Variants in SLC35E2B observed in about 807,000 individuals in gnomAD.
The protein encoded by SLC35E2B is solute carrier family 35, member E2B.
Under a neutral mutation model 32.4 loss-of-function variants are expected in SLC35E2B, and 18 were observed. That is an observed-to-expected ratio of 0.56 (90% confidence interval 0.38 to 0.82). SLC35E2B has a LOEUF of 0.82. Ranked by LOEUF, SLC35E2B falls within the 40% of genes least tolerant of loss-of-function variation. The probability of loss-of-function intolerance (pLI) is 0.00; values close to 1 mark genes in which losing one functional copy is unlikely to be tolerated. For missense variants in SLC35E2B, 263 were observed against 469.5 expected (o/e 0.56, Z 4.06); for synonymous variants, 132 against 209.1 (o/e 0.63, Z 3.18).
At chr1:1,668,045 G>A (rs1305263571) in intron 9 of SLC35E2B, among the ~76,000 whole-genome samples, 1 of 151,968 alleles carries the variant, frequency 6.6e-6, no homozygotes, top group African/African-American at 2.4e-5. Flanking sequence ...TAGAGATGGG[G>A]TTTCACCATG....
chr1:1,675,135 C>T (rs1305773752), intron 5 of SLC35E2B, among the ~76,000 whole-genome samples: 2 of 149,534 alleles, frequency 1.3e-5, no homozygotes, highest in Non-Finnish European at 3.0e-5. Context: ...GGCCCCCACC[C>T]GTCCTCTTCG....
intron 2 of SLC35E2B, among the ~76,000 whole-genome samples, chr1:1,689,276 T>C (rs1643992084): frequency 6.6e-6 from 1 of 152,136 alleles, no homozygotes; most frequent in Admixed American, 6.6e-5. Flanking sequence ...TTGTCCATGC[T>C]GCCAGGCAAA....
intron 2 of SLC35E2B, among the ~76,000 whole-genome samples, chr1:1,679,024 C>A (rs1570335773): frequency 6.6e-6 from 1 of 152,188 alleles, no homozygotes; most frequent in Non-Finnish European, 1.5e-5. Flanking sequence ...TCTCACTCCC[C>A]ACCTCACTAG....
Position 1,692,538 on chromosome 1 carries a change from G to T in SLC35E2B, c.-655C>A. 1 of 986,192 alleles carries T rather than the reference G, an allele frequency of 1.0e-6. No homozygotes were observed. The highest frequency in any genetic ancestry group is 1.2e-6 in the Non-Finnish European group (1 of 830,808). 61.1% of individuals were successfully genotyped at this position (986,192 alleles called of 1,614,324 possible). On this transcript the variant is annotated 5_prime_UTR_variant, in exon 1 of 10. Transcript: ENST00000617444. ...GACGCTGGCGGGCGGGGCCTGAGAGGCGCGCGGTGGAGGGGCCGGGCGCGA... is the reference window on the plus strand; with the variant it reads ...GACGCTGGCGGGCGGGGCCTGAGAGTCGCGCGGTGGAGGGGCCGGGCGCGA...
At chr1:1,686,523 C>T (rs546928085) in intron 2 of SLC35E2B, among the ~76,000 whole-genome samples, 25 of 152,126 alleles carry the variant, frequency 1.6e-4, no homozygotes, top group African/African-American at 5.8e-4. Context: ...GTGACTCACG[C>T]CTGTGATCCC....
rs1056109475 is a variant in SLC35E2B, at chr1:1,665,639, C to T, written c.*143G>A. The T allele has an allele frequency of 2.4e-5, 32 of 1,333,986 alleles. No homozygotes were observed. The highest frequency in any genetic ancestry group is 1.0e-4 in the East Asian group (4 of 39,466). 82.6% of individuals were successfully genotyped at this position (1,333,986 alleles called of 1,614,324 possible). The stretch of plus-strand genomic sequence containing the variant: ...AGTTTGAGTTTCTGCTGGTCTTCAC[C>T]GACAAACCGAGAAAGCCGCAGGCAA... On this transcript the variant is annotated 3_prime_UTR_variant, in exon 10 of 10. Transcript: ENST00000617444.
At position 1,665,142 on chromosome 1, in the gene SLC35E2B, G is replaced by A. The variant is rs189120070; in HGVS notation, c.*640C>T. On this transcript the variant is annotated 3_prime_UTR_variant, in exon 10 of 10. Transcript: ENST00000617444. ...TTCCTCTAAACAGAAGCGACTGAAC[G>A]GCCTCCGTGGTCATAGCCCTTGAGT... The A allele has an allele frequency of 1.6e-4, 27 of 170,174 alleles. 1 individual carries two copies. The East Asian group carries it at 3.5e-3, about 22-fold the overall frequency. 10.5% of individuals were successfully genotyped at this position (170,174 alleles called of 1,614,324 possible). A position where few individuals can be genotyped will look rare whatever the true frequency, so the allele number is the denominator to read the frequency against.
intron 2 of SLC35E2B, among the ~76,000 whole-genome samples, chr1:1,688,367 G>T (rs1429545599): frequency 1.3e-5 from 2 of 152,108 alleles, no homozygotes; most frequent in African/African-American, 2.4e-5. Context: ...AGCACTTTGG[G>T]AGGCTGAGGT....
intron 2 of SLC35E2B, among the ~76,000 whole-genome samples, chr1:1,687,236 T>A (rs28541555): frequency 2.0e-5 from 3 of 152,090 alleles, no homozygotes; most frequent in African/African-American, 2.4e-5. Flanking sequence ...CAGTCACACC[T>A]GCACAGCGCG....
chr1:1,668,603 T>G, intron 8 of SLC35E2B, 131 bp from the exon 9 acceptor site: 1 of 1,548,108 alleles, frequency 6.5e-7, no homozygotes, highest in South Asian at 1.2e-5. Flanking sequence ...GCCCTGAAAA[T>G]GCCTCGAGCG....
At chr1:1,673,147 A>T (rs959411854) in intron 5 of SLC35E2B, 11 of 195,720 alleles carry the variant, frequency 5.6e-5, no homozygotes, top group Non-Finnish European at 1.1e-4. Flanking sequence ...AGGCAGGAGG[A>T]TCACTTGAGA....
intron 2 of SLC35E2B, among the ~76,000 whole-genome samples, chr1:1,686,393 A>C (rs937336819): frequency 1.3e-5 from 2 of 149,214 alleles, no homozygotes; most frequent in Non-Finnish European, 3.0e-5. Flanking sequence ...TATTTTGTAC[A>C]TGACGGGAGG....
chr1:1,668,546 C>G, intron 8 of SLC35E2B, 74 bp from the exon 9 acceptor site: 1 of 1,612,610 alleles, frequency 6.2e-7, no homozygotes, highest in Admixed American at 1.7e-5. Flanking sequence ...AAACGCCCAG[C>G]GCCACTCCTG....
intron 8 of SLC35E2B, 51 bp from the exon 9 acceptor site, chr1:1,668,523 A>G: frequency 6.2e-7 from 1 of 1,614,060 alleles, no homozygotes; most frequent in Non-Finnish European, 8.5e-7. Context: ...TCCATTTACT[A>G]ATCATCCACC....
At position 1,675,430 on chromosome 1, in the gene SLC35E2B, C is replaced by T. The variant is rs185701787; in HGVS notation, c.586+33G>A. The T allele has an allele frequency of 2.7e-4, 440 of 1,608,768 alleles. 3 individuals are homozygous for T. In the East Asian group the frequency reaches 9.1e-3, roughly 33 times the overall value. On this transcript the variant is annotated intron_variant, in intron 5 of 9. Coordinates refer to ENST00000617444, the MANE Select transcript of SLC35E2B (RefSeq NM_001290264.2). Reference sequence around the variant, plus strand: ...CGGATGGAGGCCTGGGATGGTGGGGCGCAGGCGGAGGGGCGGGGCCCGGGG... The same window carrying T: ...CGGATGGAGGCCTGGGATGGTGGGGTGCAGGCGGAGGGGCGGGGCCCGGGG...
rs1643413845 is a variant in SLC35E2B at position 1,662,086 on chromosome 1, C to T, written c.*3696G>A. ...AGGAAATACTTCAGAGACAGCAAAG[C>T]TGAAGGTTTCTGTGCTCTGAGGGAT... On this transcript the variant is annotated 3_prime_UTR_variant, in exon 10 of 10. Transcript: ENST00000617444. 1 of 851,844 alleles carries T rather than the reference C, an allele frequency of 1.2e-6. No homozygotes were observed. The highest frequency in any genetic ancestry group is 1.4e-6 in the Non-Finnish European group (1 of 716,948). The allele number at this position is 851,844 out of a possible 1,614,324, so 52.8% of individuals were successfully genotyped here. A position where few individuals can be genotyped will look rare whatever the true frequency, so the allele number is the denominator to read the frequency against.
chr1:1,687,690 G>A (rs1374349225), intron 2 of SLC35E2B, among the ~76,000 whole-genome samples: 4 of 151,096 alleles, frequency 2.6e-5, no homozygotes, highest in Non-Finnish European at 5.9e-5. Flanking sequence ...AGCCTAGATC[G>A]GGCCACTGCA....
chr1:1,684,031 G>A (rs540800367), intron 2 of SLC35E2B, among the ~76,000 whole-genome samples: 125 of 152,142 alleles, frequency 8.2e-4, no homozygotes, highest in Non-Finnish European at 1.4e-3. Context: ...ACTTTGGAAG[G>A]CCGAGGAGGG....
At chr1:1,667,811 TCA>T (rs1202556147) in intron 9 of SLC35E2B, among the ~76,000 whole-genome samples, 6 of 152,070 alleles carry the variant, frequency 3.9e-5, no homozygotes, top group African/African-American at 4.8e-5. Flanking sequence ...AATACCTATT[TCA>T]CACAGTTTAC....
Sources: gnomAD v4.1 joint callset for allele counts (sites outside exome capture counted in the v4.1 genomes callset) on GRCh38, gnomAD v4.1.1 for gene constraint, MANE v1.5 for transcripts, NCBI Gene and HGNC (gene_info 2026-07-23, HGNC 2026-07-21) for gene names.